Variants in ARHGEF18 observed in about 807,000 individuals in gnomAD.
ARHGEF18 encodes the protein Rho/Rac guanine nucleotide exchange factor 18.
In ARHGEF18, 93 loss-of-function variants were observed where a neutral mutation model predicts 155.7. The ratio of observed to expected loss-of-function variants is 0.60; its 90% CI spans 0.50 to 0.71. The LOEUF (loss-of-function observed/expected upper bound fraction) is 0.71. Ranked by LOEUF, ARHGEF18 falls within the 30% of genes least tolerant of loss-of-function variation. The pLI, the probability that ARHGEF18 is intolerant of heterozygous loss-of-function variation, is 0.00. For synonymous variants in ARHGEF18, 742 were observed against 753.1 expected (o/e 0.99, Z 0.24); for missense variants, 1,593 against 1,816.1 (o/e 0.88, Z 2.23).
In ARHGEF18 at chr19:7,467,097, C is replaced by A; in HGVS notation, c.2988C>A (p.Ser996=). ...TTGTCCAGCGGATCCAGACACTGTCCCAGCTGCTCCTGAACCTTCAGGTAC... is the reference window on the plus strand; with the variant it reads ...TTGTCCAGCGGATCCAGACACTGTCACAGCTGCTCCTGAACCTTCAGGTAC... ...SELVQRIQTL[S]QLLLNLQAVI... is the part of the protein sequence containing the mutation. The change falls in exon 25 of 29, where the codon TCC becomes TCA. Residue 996 remains serine (S), a synonymous_variant. Transcript: ENST00000668164. 1 of 1,604,856 alleles carries A rather than the reference C, an allele frequency of 6.2e-7. No homozygotes were observed. The highest frequency in any genetic ancestry group is 8.5e-7 in the Non-Finnish European group (1 of 1,173,482).
intron 10 of ARHGEF18, among the ~76,000 whole-genome samples, chr19:7,419,099 A>G (rs1483398806): frequency 1.1e-4 from 12 of 109,570 alleles, no homozygotes; most frequent in African/African-American, 4.0e-4. Context: ...TGATGTACCC[A>G]CACTTGGCCT....
At chr19:7,437,151 G>A (rs1974310846) in intron 10 of ARHGEF18, among the ~76,000 whole-genome samples, 1 of 152,094 alleles carries the variant, frequency 6.6e-6, no homozygotes, top group Admixed American at 6.6e-5. Flanking sequence ...CTCAGAGGCC[G>A]GCTACGGTGG....
rs1453918895 is a variant in ARHGEF18, at chr19:7,451,329, A to G, written c.1855+63A>G. The G allele has an allele frequency of 1.1e-5, 15 of 1,387,146 alleles. No homozygotes were observed. In the Admixed American group the frequency reaches 2.8e-4, roughly 26 times the overall value. The allele number at this position is 1,387,146 out of a possible 1,614,324, so 85.9% of individuals were successfully genotyped here. ...CTGCAGCACAGGGCTCTCTCCGTGT[A>G]CCCACTCCCTATTTGAGCAGCAAAC... On this transcript the variant is annotated intron_variant, in intron 16 of 28. Coordinates refer to ENST00000668164, the MANE Select transcript of ARHGEF18 (RefSeq NM_001367823.1).
intron 10 of ARHGEF18, among the ~76,000 whole-genome samples, chr19:7,419,511 C>A (rs2145668126): frequency 6.6e-6 from 1 of 152,184 alleles, no homozygotes; most frequent in African/African-American, 2.4e-5. Context: ...GAACTCCCGG[C>A]CTCCAGCCTG....
intron 10 of ARHGEF18, among the ~76,000 whole-genome samples, chr19:7,409,209 A>C (rs1193756959): frequency 1.4e-5 from 2 of 144,614 alleles, no homozygotes; most frequent in Non-Finnish European, 3.0e-5. Context: ...ACAGGCGCCC[A>C]CCACCTCGCC....
Position 7,399,093 on chromosome 19 carries a change from C to G in ARHGEF18, c.967+15890C>G, listed in dbSNP as rs139479506. Among the ~76,000 whole-genome samples, 577 of 152,274 alleles carry G rather than the reference C, an allele frequency of 3.8e-3. 6 individuals are homozygous for G. Among genetic ancestry groups the G allele is most frequent in the African/African-American group, 0.012 (495 of 41,562 alleles). ...AAGCCCAGAGACCTTATATGAAGTCCAGCCAATCGCTGTTTCTTTGTTATT... is the reference window on the plus strand; with the variant it reads ...AAGCCCAGAGACCTTATATGAAGTCGAGCCAATCGCTGTTTCTTTGTTATT... On this transcript the variant is annotated intron_variant, in intron 10 of 28. Transcript: ENST00000668164.
Position 7,447,227 on chromosome 19 carries a change from ACGCCTGTAATCC to A in ARHGEF18, c.1737+61_1737+72del, listed in dbSNP as rs1268969522. Reference sequence around the variant, plus strand: ...ATATTCTGGCCGGGCGCAGTGGCTCACGCCTGTAATCCCAGCACTTTGGGAGTCTGAGGCGGG... The same window carrying A: ...ATATTCTGGCCGGGCGCAGTGGCTCACAGCACTTTGGGAGTCTGAGGCGGG... On this transcript the variant is annotated intron_variant, in intron 15 of 28. Coordinates refer to ENST00000668164, the MANE Select transcript of ARHGEF18 (RefSeq NM_001367823.1). 2.0e-6 allele frequency: 3 copies of A among 1,502,228 alleles called. No homozygotes were observed. The African/African-American group carries it at 4.2e-5, about 21-fold the overall frequency. The allele number at this position is 1,502,228 out of a possible 1,614,324, so 93.1% of individuals were successfully genotyped here. A position where few individuals can be genotyped will look rare whatever the true frequency, so the allele number is the denominator to read the frequency against.
chr19:7,377,523 C>T lies in ARHGEF18; in HGVS notation c.541+766C>T, dbSNP rs182999395. Among the ~76,000 whole-genome samples, 24 of 152,256 alleles carry T rather than the reference C, an allele frequency of 1.6e-4. No individual in the cohort carries two copies. In the East Asian group the frequency reaches 4.1e-3, roughly 26 times the overall value. On this transcript the variant is annotated intron_variant, in intron 5 of 28. Coordinates refer to ENST00000668164, the MANE Select transcript of ARHGEF18 (RefSeq NM_001367823.1). Reference sequence around the variant, plus strand: ...ATTAGAACAGGTGCAGCAGCTCACACCTGGAATCCCAGCACCTTGGGAGGC... The same window carrying T: ...ATTAGAACAGGTGCAGCAGCTCACATCTGGAATCCCAGCACCTTGGGAGGC...
At chr19:7,438,053 C>T (rs1399000970) in intron 10 of ARHGEF18, among the ~76,000 whole-genome samples, 1 of 98,124 alleles carries the variant, frequency 1.0e-5, no homozygotes, top group Non-Finnish European at 1.9e-5. Context: ...CTCCTCTCTT[C>T]TCTCTTCTCT....
In ARHGEF18 at chr19:7,458,568, C is replaced by T. The variant is rs775761605; in HGVS notation, c.2238C>T (p.Asn746=). The part of the protein sequence containing the change: ...LQKLIVREVA[N]EEKAMFLISA... Reference sequence around the variant, plus strand: ...AGCTCATCGTGAGGGAAGTGGCCAACGAGGAGAAAGCGATGTTTCTGATCA... The same window carrying T: ...AGCTCATCGTGAGGGAAGTGGCCAATGAGGAGAAAGCGATGTTTCTGATCA... The change falls in exon 19 of 29, where the codon AAC becomes AAT. Residue 746 remains asparagine, a synonymous_variant. Coordinates refer to ENST00000668164, the MANE Select transcript of ARHGEF18 (RefSeq NM_001367823.1). 10 of 1,613,960 alleles carry T rather than the reference C, an allele frequency of 6.2e-6. No homozygotes were observed. The highest frequency in any genetic ancestry group is 1.6e-4 in the Middle Eastern group (1 of 6,084).
chr19:7,446,650 A>C (rs558060420), intron 14 of ARHGEF18, among the ~76,000 whole-genome samples: 2 of 151,906 alleles, frequency 1.3e-5, no homozygotes, highest in Non-Finnish European at 2.9e-5. Context: ...CTGAGGCAGG[A>C]GAATCGCTTG....
intron 27 of ARHGEF18, 58 bp from the exon 28 acceptor site, chr19:7,469,846 T>TCCGAGA: frequency 1.9e-6 from 3 of 1,587,250 alleles, no homozygotes; most frequent in Non-Finnish European, 2.6e-6. Flanking sequence ...GAGGCTGCCC[T>TCCGAGA]GGCGGGTGGG....
chr19:7,461,011 T>A (rs1976212590), intron 20 of ARHGEF18, among the ~76,000 whole-genome samples: 1 of 151,828 alleles, frequency 6.6e-6, no homozygotes, highest in Non-Finnish European at 1.5e-5. Context: ...ATGGTCTCAA[T>A]CTCTCGACCT....
downstream of ARHGEF18, among the ~76,000 whole-genome samples, chr19:7,475,200 C>G (rs936194863): frequency 6.6e-6 from 1 of 152,198 alleles, no homozygotes; most frequent in South Asian, 2.1e-4. Context: ...CCACCGCACT[C>G]CAGCCTAGGC....
At position 7,408,866 on chromosome 19, in the gene ARHGEF18, A is replaced by AC. The variant is rs202128920; in HGVS notation, c.967+25667dup. Among the ~76,000 whole-genome samples the AC allele has an allele frequency of 4.2e-3, 642 of 152,060 alleles. 37 individuals carry two copies. The East Asian group carries it at 0.11, about 25-fold the overall frequency. On this transcript the variant is annotated intron_variant, in intron 10 of 28. Transcript: ENST00000668164. ...AGACCAGCTTGGGCAACATAGTGAGACCCCATCTCTACAAAAAGAAATATA... is the reference window on the plus strand; with the variant it reads ...AGACCAGCTTGGGCAACATAGTGAGACCCCCATCTCTACAAAAAGAAATATA...
chr19:7,478,754 C>T, the ARHGEF18 span, among the ~76,000 whole-genome samples: 63 of 152,334 alleles, frequency 4.1e-4, no homozygotes, highest in African/African-American at 1.4e-3. Flanking sequence ...GTGGGGACGC[C>T]GTTTCCCCTC....
chr19:7,376,491 G>T (rs904025392), intron 4 of ARHGEF18, among the ~76,000 whole-genome samples, 152 bp from the exon 5 acceptor site: 8 of 152,042 alleles, frequency 5.3e-5, no homozygotes, highest in African/African-American at 1.9e-4. Context: ...TCTTATGGCT[G>T]GGGGGAGTGG....
intron 14 of ARHGEF18, 145 bp from the exon 15 acceptor site, chr19:7,446,898 A>G: frequency 1.1e-6 from 1 of 880,950 alleles, no homozygotes; most frequent in Admixed American, 3.8e-5. Flanking sequence ...GCTGTCTCAA[A>G]AAAAAAAAAA....
chr19:7,438,245 C>T (rs1311006681), intron 10 of ARHGEF18, among the ~76,000 whole-genome samples: 4 of 151,678 alleles, frequency 2.6e-5, no homozygotes, highest in African/African-American at 4.8e-5. Context: ...AGACTACAGG[C>T]GTGCGCCACT....
Sources: allele counts gnomAD v4.1 joint callset (sites outside exome capture counted in the v4.1 genomes callset), GRCh38; gene constraint gnomAD v4.1.1; transcripts MANE v1.5; gene names NCBI Gene and HGNC (gene_info 2026-07-23, HGNC 2026-07-21).